The following AP4E1 variants were observed in gnomAD, a reference collection of about 807,000 sequenced individuals.
The protein encoded by AP4E1 is AP-4 complex subunit epsilon-1.
AP4E1 carries 56 observed loss-of-function variants against 128.2 expected under a neutral mutation model. The ratio of observed to expected loss-of-function variants is 0.44; its 90% CI spans 0.35 to 0.55. The LOEUF (loss-of-function observed/expected upper bound fraction) is 0.55, where lower values mean the gene tolerates loss of function less well. Among genes scored for constraint, AP4E1 ranks in the 20% least tolerant of loss-of-function variants. The pLI is 0.00. For synonymous variants in AP4E1, 484 were observed against 473.1 expected, an observed-to-expected ratio of 1.02 and a Z score of -0.30; for missense variants, 1,324 against 1,307.7, an observed-to-expected ratio of 1.01 and a Z score of -0.19.
Position 51,002,742 on chromosome 15 carries a change from A to G in AP4E1, c.*80A>G, listed in dbSNP as rs1055662489. 3 of 1,513,102 alleles carry G rather than the reference A, an allele frequency of 2.0e-6. No individual in the cohort carries two copies. Among genetic ancestry groups the G allele is most frequent in the African/African-American group, 2.7e-5 (2 of 72,774 alleles). 93.7% of individuals were successfully genotyped at this position (1,513,102 alleles called of 1,614,324 possible). Reference sequence around the variant, plus strand: ...TTATTTACCAAAGTAAAAAGAACTCATGGTACTTCTAATGAAAATGGGGAT... The same window carrying G: ...TTATTTACCAAAGTAAAAAGAACTCGTGGTACTTCTAATGAAAATGGGGAT... On this transcript the variant is annotated 3_prime_UTR_variant, in exon 21 of 21. Transcript: ENST00000261842.
In AP4E1 at chr15:50,946,003, G is replaced by T; in HGVS notation, c.1177-2017G>T. ...TGTAGGGGCAGTTGTAAAATAATTA[G>T]TATTCCTAACAATCCTGATGTACAA... is the stretch of plus-strand genomic sequence containing the variant. On this transcript the variant is annotated intron_variant, in intron 10 of 20. Transcript: ENST00000261842. The T allele has an allele frequency of 5.0e-6, 5 of 1,004,296 alleles. No individual in the cohort carries two copies. In the Admixed American group the frequency reaches 5.6e-5, roughly 11 times the overall value. 62.2% of individuals were successfully genotyped at this position (1,004,296 alleles called of 1,614,324 possible).
intron 15 of AP4E1, among the ~76,000 whole-genome samples, chr15:50,973,081 T>C (rs1319528710): frequency 6.6e-6 from 1 of 152,198 alleles, no homozygotes; most frequent in Admixed American, 6.5e-5. Flanking sequence ...CATTGAGTTA[T>C]TTGGATGGTA....
Position 50,946,154 on chromosome 15 carries a change from A to C in AP4E1, c.1177-1866A>C, listed in dbSNP as rs74015237. On this transcript the variant is annotated intron_variant, in intron 10 of 20. Transcript: ENST00000261842. ...CTTTTAGCTACCCTGAAAAATGCCT[A>C]GTTGATAAAGACTATCTAACTATTT... 8.8e-3 allele frequency among the ~76,000 whole-genome samples: 1,338 copies of C among 152,320 alleles called. 27 individuals are homozygous for C. The highest frequency in any genetic ancestry group is 0.031 in the African/African-American group (1,279 of 41,564).
chr15:50,998,600 A>G (rs2064913867), intron 18 of AP4E1, among the ~76,000 whole-genome samples: 1 of 152,082 alleles, frequency 6.6e-6, no homozygotes, highest in Non-Finnish European at 1.5e-5. Flanking sequence ...ATTGCACTCT[A>G]GCCTGGGTGA....
At chr15:50,996,155 A>ATTT (rs34048744) in intron 17 of AP4E1, among the ~76,000 whole-genome samples, 3 of 113,412 alleles carry the variant, frequency 2.6e-5, no homozygotes, top group Admixed American at 1.9e-4. Flanking sequence ...CGCCTGGCTA[A>ATTT]TTTTTTTTTT....
At chr15:50,960,667 C>T (rs1162519672) in intron 14 of AP4E1, among the ~76,000 whole-genome samples, 2 of 151,890 alleles carry the variant, frequency 1.3e-5, no homozygotes, top group African/African-American at 4.8e-5. Flanking sequence ...TAAGCACATA[C>T]ATCAGAAAAG....
intron 3 of AP4E1, among the ~76,000 whole-genome samples, chr15:50,922,091 T>A (rs2063710080): frequency 7.1e-6 from 1 of 140,810 alleles, no homozygotes. Context: ...TTTGGGAAGC[T>A]AAGGTGGGAG....
At chr15:50,975,811 T>G (rs1183589724) in intron 15 of AP4E1, among the ~76,000 whole-genome samples, 1 of 152,132 alleles carries the variant, frequency 6.6e-6, no homozygotes, top group Admixed American at 6.5e-5. Context: ...TACCAAACAC[T>G]TAATGAATTA....
chr15:50,945,694 GATGAA>G (rs2064051276), intron 10 of AP4E1: 2 of 785,328 alleles, frequency 2.5e-6, no homozygotes, highest in African/African-American at 1.7e-5. Context: ...GTGTGGATCT[GATGAA>G]ATGAACATTT....
At chr15:50,912,191 T>C in intron 2 of AP4E1, 42 bp downstream of exon 2, 1 of 1,515,054 alleles carries the variant, frequency 6.6e-7, no homozygotes, top group Non-Finnish European at 9.0e-7. Flanking sequence ...GAATTTGAAA[T>C]CTAGTCACTG....
In AP4E1 at chr15:50,958,731, G is replaced by C. The variant is rs769279384; in HGVS notation, c.1788G>C (p.Leu596Phe). 7.8e-5 allele frequency: 126 copies of C among 1,614,028 alleles called. 1 individual carries two copies. The highest frequency in any genetic ancestry group is 8.5e-7 in the Non-Finnish European group (1 of 1,180,012). The change falls in exon 14 of 21, where the codon TTG becomes TTC. Residue 596 changes from leucine to phenylalanine, a missense_variant. By Grantham distance (22) the Leu-to-Phe change is conservative. Coordinates refer to ENST00000261842, the MANE Select transcript of AP4E1 (RefSeq NM_007347.5). The stretch of plus-strand genomic sequence containing the variant: ...AACATGCATTTGAATTAAAACATTT[G>C]CATGAGAATGTGGAACTTATGAAGA... ...MRQHAFELKH[L>F]HENVELMKSL...
chr15:50,958,747 C>T lies in AP4E1; in HGVS notation c.1804C>T (p.Leu602Phe), dbSNP rs201486041. 11 of 1,614,106 alleles carry T rather than the reference C, an allele frequency of 6.8e-6. No homozygotes were observed. In the East Asian group the frequency reaches 2.2e-4, roughly 33 times the overall value. ...AAAACATTTGCATGAGAATGTGGAA[C>T]TTATGAAGAGCTTGCTTCCAGTTGA... ...ELKHLHENVE[L>F]MKSLLPVDRS... The change falls in exon 14 of 21, where the codon CTT becomes TTT. Residue 602 changes from leucine (L) to phenylalanine (F), a missense_variant. By Grantham distance (22) the Leu-to-Phe change is conservative (BLOSUM62 0). Coordinates refer to ENST00000261842, the MANE Select transcript of AP4E1 (RefSeq NM_007347.5).
At chr15:50,980,699 C>T (rs1329881990) in intron 15 of AP4E1, among the ~76,000 whole-genome samples, 1 of 152,106 alleles carries the variant, frequency 6.6e-6, no homozygotes, top group Non-Finnish European at 1.5e-5. Context: ...CAGGGGATGA[C>T]CAGCGTACCC....
In AP4E1 at chr15:50,924,014, T is replaced by G. The variant is rs1225049967; in HGVS notation, c.420+10T>G. 2.5e-6 allele frequency: 4 copies of G among 1,591,864 alleles called. No individual in the cohort carries two copies. The South Asian group carries it at 4.4e-5, about 18-fold the overall frequency. ...GAATACAGTTGTAAAGGTATTGTAT[T>G]GTATGTTGGTTAATATGAAGTCATA... On this transcript the variant is annotated intron_variant, in intron 4 of 20. Transcript: ENST00000261842.
chr15:50,948,713 C>G (rs2064101237), intron 11 of AP4E1, among the ~76,000 whole-genome samples: 1 of 152,198 alleles, frequency 6.6e-6, no homozygotes, highest in Non-Finnish European at 1.5e-5. Flanking sequence ...TGGCTCATGC[C>G]TGTAATCCCA....
chr15:50,945,386 A>G lies in AP4E1; in HGVS notation c.1177-2634A>G, dbSNP rs1596474651. The G allele has an allele frequency of 6.4e-6, 5 of 778,996 alleles. No homozygotes were observed. The East Asian group carries it at 1.2e-4, about 19-fold the overall frequency. The allele number at this position is 778,996 out of a possible 1,614,324, so 48.3% of individuals were successfully genotyped here. Reference sequence around the variant, plus strand: ...AAGGTTATATTAGATATGAGAACAAATACAGTTTGTTGGAACCCTATGGAA... The same window carrying G: ...AAGGTTATATTAGATATGAGAACAAGTACAGTTTGTTGGAACCCTATGGAA... On this transcript the variant is annotated intron_variant, in intron 10 of 20. Coordinates refer to ENST00000261842, the MANE Select transcript of AP4E1 (RefSeq NM_007347.5).
chr15:50,937,587 G>A (rs887267125), intron 8 of AP4E1, among the ~76,000 whole-genome samples: 2 of 152,200 alleles, frequency 1.3e-5, no homozygotes, highest in Admixed American at 6.5e-5. Context: ...GTGAAGGGAT[G>A]GTTCAGGGAA....
chr15:50,970,880 C>T (rs766231118), intron 15 of AP4E1, among the ~76,000 whole-genome samples: 9 of 151,964 alleles, frequency 5.9e-5, no homozygotes, highest in Non-Finnish European at 1.2e-4. Flanking sequence ...TATTGATGGG[C>T]GAGGATTTGC....
intron 13 of AP4E1, among the ~76,000 whole-genome samples, chr15:50,953,243 GT>G (rs920511062): frequency 6.6e-6 from 1 of 151,866 alleles, no homozygotes; most frequent in African/African-American, 2.4e-5. Context: ...GTGGCCATTA[GT>G]TTTTTTTGTC....
Sources: allele counts gnomAD v4.1 joint callset (sites outside exome capture counted in the v4.1 genomes callset), GRCh38; gene constraint gnomAD v4.1.1; transcripts MANE v1.5; gene names NCBI Gene and HGNC (gene_info 2026-07-23, HGNC 2026-07-21).